The following KCNH7 variants were observed in gnomAD, a reference collection of about 807,000 sequenced individuals.
KCNH7 encodes potassium voltage-gated channel subfamily H member 7.
A neutral mutation model predicts 120.8 loss-of-function variants in KCNH7; 49 were observed. That is an observed-to-expected ratio of 0.41 (90% CI 0.32 to 0.51). The LOEUF is 0.51. Among genes scored for constraint, KCNH7 ranks in the 20% least tolerant of loss-of-function variants. KCNH7 has a pLI of 0.38. For synonymous variants in KCNH7, 547 were observed against 516.1 expected (o/e 1.06, Z -0.81); for missense variants, 1,097 against 1,446.6 (o/e 0.76, Z 3.92).
intron 2 of KCNH7, among the ~76,000 whole-genome samples, chr2:162,681,537 A>G (rs1574259405): frequency 6.6e-6 from 1 of 151,736 alleles, no homozygotes; most frequent in Non-Finnish European, 1.5e-5. Context: ...AAATGTACAG[A>G]CTTCTCCTTC....
At chr2:162,508,206 C>A (rs539544519) in intron 5 of KCNH7, among the ~76,000 whole-genome samples, 1 of 151,372 alleles carries the variant, frequency 6.6e-6, no homozygotes, top group Admixed American at 6.6e-5. Flanking sequence ...GATTGAGAAA[C>A]TGGTTGATAA....
intron 6 of KCNH7, among the ~76,000 whole-genome samples, chr2:162,498,016 T>C (rs1422874992): frequency 6.6e-6 from 1 of 152,166 alleles, no homozygotes; most frequent in Non-Finnish European, 1.5e-5. Context: ...TATTTTGTGA[T>C]TAAATCTGAA....
At chr2:162,812,697 T>A (rs539459743) in intron 2 of KCNH7, among the ~76,000 whole-genome samples, 2 of 152,162 alleles carry the variant, frequency 1.3e-5, no homozygotes, top group African/African-American at 2.4e-5. Context: ...GAAGAAACAG[T>A]TCTACAGGTA....
chr2:162,396,949 A>G lies in KCNH7; in HGVS notation c.2408-4T>C, dbSNP rs1342937726. 1.5e-5 allele frequency: 24 copies of G among 1,588,656 alleles called. No individual in the cohort carries two copies. Among genetic ancestry groups the G allele is most frequent in the Non-Finnish European group, 2.0e-5 (23 of 1,160,340 alleles). ...TCTCCAAATATATCATTTTTTCCTA[A>G]GAAAATATAAAGAAAAAGAGGCGGG... On this transcript the variant is annotated splice_polypyrimidine_tract_variant and splice_region_variant and intron_variant, in intron 10 of 15. Transcript: ENST00000332142.
intron 2 of KCNH7, among the ~76,000 whole-genome samples, chr2:162,788,988 TAAA>T (rs61348204): frequency 0.06 from 6,309 of 105,244 alleles, 390 homozygotes; most frequent in African/African-American, 0.18. Flanking sequence ...AGGTACTGGT[TAAA>T]AAAAAAAAAA....
Position 162,373,573 on chromosome 2 carries a change from A to T in KCNH7, c.3221T>A (p.Val1074Glu). Residue 1074 changes from valine (V) to glutamate (E), a missense_variant, in exon 15 of 16, where the codon GTA (valine) becomes GAA (glutamate). By Grantham distance (121) the Val-to-Glu change is moderately radical. Transcript: ENST00000332142. ...TTVVPPAYSM[V>E]TAGSEYQRPI... Reference sequence around the variant, plus strand: ...TCTCTGATATTCTGATCCTGCTGTTACCATACTGTAGGCTGGGGGGACCAC... The same window carrying T: ...TCTCTGATATTCTGATCCTGCTGTTTCCATACTGTAGGCTGGGGGGACCAC... The T allele has an allele frequency of 1.3e-6, 2 of 1,592,672 alleles. No individual in the cohort carries two copies. Among genetic ancestry groups the T allele is most frequent in the South Asian group, 1.1e-5 (1 of 87,854 alleles).
intron 2 of KCNH7, among the ~76,000 whole-genome samples, chr2:162,648,163 T>A (rs1195044349): frequency 6.6e-6 from 1 of 152,138 alleles, no homozygotes; most frequent in Non-Finnish European, 1.5e-5. Context: ...AGAAAAGAGG[T>A]TTAACTGACT....
chr2:162,754,061 GTTTA>G (rs1157328001), intron 2 of KCNH7, among the ~76,000 whole-genome samples: 3 of 152,064 alleles, frequency 2.0e-5, no homozygotes, highest in Admixed American at 6.6e-5. Context: ...GAATAATATA[GTTTA>G]TTTATCAAAT....
At chr2:162,427,702 G>A (rs1687912715) in intron 8 of KCNH7, among the ~76,000 whole-genome samples, 1 of 151,678 alleles carries the variant, frequency 6.6e-6, no homozygotes, top group Non-Finnish European at 1.5e-5. Flanking sequence ...TAATTTTGAT[G>A]AAATCCAATT....
chr2:162,794,385 T>A (rs1357817504), intron 2 of KCNH7, among the ~76,000 whole-genome samples: 1 of 152,054 alleles, frequency 6.6e-6, no homozygotes, highest in Admixed American at 6.6e-5. Context: ...TTGCCTATGA[T>A]CTATAGGTGT....
At position 162,703,632 on chromosome 2, in the gene KCNH7, T is replaced by C. The variant is rs116448424; in HGVS notation, c.307+132905A>G. On this transcript the variant is annotated intron_variant, in intron 2 of 15. Transcript: ENST00000332142. ...TTAAACATTGTATAAGATGTCTACT[T>C]GATAGCTAATCTCTTTAAAGGGGGA... is the stretch of plus-strand genomic sequence containing the variant. Among the ~76,000 whole-genome samples the C allele has an allele frequency of 3.4e-3, 520 of 152,292 alleles. 4 individuals carry two copies. Among genetic ancestry groups the C allele is most frequent in the African/African-American group, 0.012 (503 of 41,582 alleles).
At chr2:162,578,769 G>C (rs1234266384) in intron 2 of KCNH7, among the ~76,000 whole-genome samples, 1 of 151,990 alleles carries the variant, frequency 6.6e-6, no homozygotes, top group Non-Finnish European at 1.5e-5. Context: ...GAGTGTAGAA[G>C]TGGGACCTAT....
At chr2:162,780,990 A>G (rs1003246059) in intron 2 of KCNH7, among the ~76,000 whole-genome samples, 15 of 152,108 alleles carry the variant, frequency 9.9e-5, no homozygotes, top group African/African-American at 3.6e-4. Context: ...TATTGTATAT[A>G]TCCAAATATG....
At chr2:162,448,027 C>G (rs1573969809) in intron 6 of KCNH7, among the ~76,000 whole-genome samples, 1 of 152,026 alleles carries the variant, frequency 6.6e-6, no homozygotes. Flanking sequence ...ATAGAGAGAA[C>G]AGGGTTTTAT....
chr2:162,801,108 A>T lies in KCNH7; in HGVS notation c.307+35429T>A, dbSNP rs77232200. Among the ~76,000 whole-genome samples the T allele has an allele frequency of 6.0e-3, 909 of 151,942 alleles. 26 individuals carry two copies. In the East Asian group the frequency reaches 0.087, roughly 15 times the overall value. On this transcript the variant is annotated intron_variant, in intron 2 of 15. Coordinates refer to ENST00000332142, the MANE Select transcript of KCNH7 (RefSeq NM_033272.4). ...GTTCTCTATTTTTAAAAGAAGAAAAAATTATTTGATGTATTCCGAACTAAT... is the reference window on the plus strand; with the variant it reads ...GTTCTCTATTTTTAAAAGAAGAAAATATTATTTGATGTATTCCGAACTAAT...
intron 2 of KCNH7, among the ~76,000 whole-genome samples, chr2:162,714,049 A>G (rs894645495): frequency 6.6e-6 from 1 of 152,196 alleles, no homozygotes; most frequent in Non-Finnish European, 1.5e-5. Context: ...TGCCTAGCCA[A>G]TGTAGTATTA....
At chr2:162,596,669 A>C (rs927808187) in intron 2 of KCNH7, among the ~76,000 whole-genome samples, 4 of 152,078 alleles carry the variant, frequency 2.6e-5, no homozygotes, top group South Asian at 2.1e-4. Context: ...ATAAGACCCC[A>C]AAAACACAGA....
At chr2:162,491,892 T>G (rs1690322803) in intron 6 of KCNH7, among the ~76,000 whole-genome samples, 2 of 152,146 alleles carry the variant, frequency 1.3e-5, no homozygotes, top group South Asian at 4.1e-4. Context: ...AAAAAAGCCT[T>G]CTTTTTCCTC....
intron 2 of KCNH7, among the ~76,000 whole-genome samples, chr2:162,585,889 T>A (rs1694005837): frequency 6.6e-6 from 1 of 151,998 alleles, no homozygotes; most frequent in South Asian, 2.1e-4. Context: ...ATGCAATAAA[T>A]GTGTGAACTC....
Sources: allele counts gnomAD v4.1 joint callset (sites outside exome capture counted in the v4.1 genomes callset), GRCh38; gene constraint gnomAD v4.1.1; transcripts MANE v1.5; gene names NCBI Gene and HGNC (gene_info 2026-07-23, HGNC 2026-07-21).